ANKRD30B: variants seen among roughly 807,000 people sequenced by gnomAD.
ANKRD30B encodes ankyrin repeat domain-containing protein 30B.
In ANKRD30B, 144 loss-of-function variants were observed where a neutral mutation model predicts 202.2. The ratio of observed to expected loss-of-function variants is 0.71; its 90% CI spans 0.62 to 0.82. The LOEUF (loss-of-function observed/expected upper bound fraction) is 0.82, where lower values mean the gene tolerates loss of function less well. Among genes scored for constraint, ANKRD30B ranks in the 40% least tolerant of loss-of-function variants. The probability of loss-of-function intolerance (pLI) is 0.00; values close to 1 mark genes in which losing one functional copy is unlikely to be tolerated. For missense variants in ANKRD30B, 1,487 were observed against 1,669.1 expected, an observed-to-expected ratio of 0.89 and a Z score of 1.90; for synonymous variants, 508 against 561.3, an observed-to-expected ratio of 0.91 and a Z score of 1.34.
chr18:14,827,554 G>T (rs1381805372), intron 32 of ANKRD30B, among the ~76,000 whole-genome samples: 2 of 152,102 alleles, frequency 1.3e-5, no homozygotes. Context: ...TTTGTTGGTG[G>T]AGAAAATCCT....
intron 16 of ANKRD30B, among the ~76,000 whole-genome samples, chr18:14,793,145 G>T (rs1968637465): frequency 6.6e-6 from 1 of 151,780 alleles, no homozygotes; most frequent in South Asian, 2.1e-4. Flanking sequence ...CAAAAATGTT[G>T]GATACTATTG....
the ANKRD30B span, among the ~76,000 whole-genome samples, chr18:14,875,370 C>T: frequency 6.6e-6 from 1 of 152,190 alleles, no homozygotes; most frequent in African/African-American, 2.4e-5. Flanking sequence ...AGAGGAGATG[C>T]CCCTGCCCAG....
chr18:14,799,403 G>T, intron 22 of ANKRD30B, 108 bp downstream of exon 22: 1 of 1,112,136 alleles, frequency 9.0e-7, no homozygotes, highest in Non-Finnish European at 1.2e-6. Context: ...AATTGGATGG[G>T]AAAATTTGAT....
At chr18:14,843,963 G>A (rs1462699529) in intron 39 of ANKRD30B, among the ~76,000 whole-genome samples, 1 of 152,096 alleles carries the variant, frequency 6.6e-6, no homozygotes, top group East Asian at 1.9e-4. Context: ...TCCTATGCAT[G>A]CTTAAAAATT....
chr18:14,920,446 T>A, the ANKRD30B span, among the ~76,000 whole-genome samples: 2 of 152,218 alleles, frequency 1.3e-5, no homozygotes, highest in Non-Finnish European at 2.9e-5. Flanking sequence ...AGAGTCACTA[T>A]AGTGTCTAGA....
the ANKRD30B span, among the ~76,000 whole-genome samples, chr18:14,920,688 T>C: frequency 6.6e-6 from 1 of 152,230 alleles, no homozygotes; most frequent in East Asian, 1.9e-4. Context: ...TTCTCCAGGC[T>C]GAAAGTGTAG....
At chr18:14,806,045 C>G (rs1598648405) in intron 24 of ANKRD30B, among the ~76,000 whole-genome samples, 1 of 149,838 alleles carries the variant, frequency 6.7e-6, no homozygotes, top group East Asian at 2.0e-4. Flanking sequence ...ACGGTGAAAC[C>G]CCATCTCTAA....
At chr18:14,912,716 A>G in the ANKRD30B span, among the ~76,000 whole-genome samples, 7 of 152,232 alleles carry the variant, frequency 4.6e-5, no homozygotes, top group African/African-American at 1.4e-4. Context: ...TGTGTTTGGT[A>G]TAATTAAGCT....
At chr18:14,851,426 T>G in intron 41 of ANKRD30B, 83 bp from the exon 42 acceptor site, 1 of 1,383,302 alleles carries the variant, frequency 7.2e-7, no homozygotes, top group Non-Finnish European at 9.6e-7. Context: ...TGTATAAACG[T>G]ACAAGTTGTT....
At chr18:14,927,049 TC>T in the ANKRD30B span, among the ~76,000 whole-genome samples, 1 of 152,116 alleles carries the variant, frequency 6.6e-6, no homozygotes, top group Non-Finnish European at 1.5e-5. Context: ...TCTTTTTTTT[TC>T]CTATAAGAAT....
chr18:14,808,806 A>G (rs1018260247), intron 26 of ANKRD30B, 62 bp downstream of exon 26: 1 of 1,382,588 alleles, frequency 7.2e-7, no homozygotes, highest in Middle Eastern at 2.6e-4. Context: ...TGAAATGCCA[A>G]GAGCCTTTTA....
chr18:14,900,783 G>T, the ANKRD30B span, among the ~76,000 whole-genome samples: 1 of 152,086 alleles, frequency 6.6e-6, no homozygotes, highest in Non-Finnish European at 1.5e-5. Flanking sequence ...AGCCCTTTGT[G>T]CTCACTTTTA....
At chr18:14,756,265 T>C (rs1381890086) in intron 4 of ANKRD30B, among the ~76,000 whole-genome samples, 1 of 152,236 alleles carries the variant, frequency 6.6e-6, no homozygotes, top group Non-Finnish European at 1.5e-5. Flanking sequence ...GTTTTTTTCT[T>C]GTAAATTTGT....
At chr18:14,777,889 G>T in intron 9 of ANKRD30B, 96 bp from the exon 10 acceptor site, 1 of 792,806 alleles carries the variant, frequency 1.3e-6, no homozygotes. Context: ...GTGGCAGTAG[G>T]CCGAGATCAC....
intron 18 of ANKRD30B, among the ~76,000 whole-genome samples, chr18:14,796,721 G>A (rs1378271689): frequency 6.6e-6 from 1 of 150,974 alleles, no homozygotes; most frequent in African/African-American, 2.4e-5. Context: ...AGACAAGATA[G>A]TGAAAGCTGG....
the ANKRD30B span, among the ~76,000 whole-genome samples, chr18:14,875,954 C>T: frequency 6.6e-6 from 1 of 152,086 alleles, no homozygotes; most frequent in Non-Finnish European, 1.5e-5. Flanking sequence ...ATAGTAGAGG[C>T]CCCATAGAGT....
chr18:14,796,335 C>G lies in ANKRD30B; in HGVS notation c.1855-8C>G. The G allele has an allele frequency of 6.3e-7, 1 of 1,599,920 alleles. No individual in the cohort carries two copies. Among genetic ancestry groups the G allele is most frequent in the Non-Finnish European group, 8.5e-7 (1 of 1,172,328 alleles). On this transcript the variant is annotated splice_region_variant and splice_polypyrimidine_tract_variant and intron_variant, in intron 17 of 43. Transcript: ENST00000690538. ...TGTATTAATTTTTGTGTTTCCAAAC[C>G]CATTTAGCCTACCTGTGGAAGGAAA...
chr18:14,860,249 G>A, the ANKRD30B span, among the ~76,000 whole-genome samples: 1 of 144,588 alleles, frequency 6.9e-6, no homozygotes, highest in Non-Finnish European at 1.5e-5. Flanking sequence ...GCTGGGCAAA[G>A]GCGCTCCCCA....
intron 7 of ANKRD30B, among the ~76,000 whole-genome samples, chr18:14,766,846 G>T (rs1277169638): frequency 1.3e-5 from 2 of 152,328 alleles, no homozygotes; most frequent in East Asian, 3.9e-4. Flanking sequence ...AGTGGCTAAT[G>T]AAAAGTAGGA....
Sources: gnomAD v4.1 joint callset for allele counts (sites outside exome capture counted in the v4.1 genomes callset) on GRCh38, gnomAD v4.1.1 for gene constraint, MANE v1.5 for transcripts, NCBI Gene and HGNC (gene_info 2026-07-23, HGNC 2026-07-21) for gene names.